The following FAT3 variants were observed in gnomAD, a reference collection of about 807,000 sequenced individuals.
FAT3 encodes FAT atypical cadherin 3.
A neutral mutation model predicts 310.2 loss-of-function variants in FAT3; 95 were observed. That is an observed-to-expected ratio of 0.31 (90% CI 0.26 to 0.36). FAT3 has a LOEUF of 0.36. FAT3 is among the 10% of genes least tolerant of loss of function. The pLI, the probability that FAT3 is intolerant of heterozygous loss-of-function variation, is 1.00. For missense variants in FAT3, 5,408 were observed against 5,715.6 expected (o/e 0.95, Z 1.74); for synonymous variants, 2,314 against 2,192.9 (o/e 1.06, Z -1.54).
At chr11:92,737,654 T>C (rs984444883) in intron 4 of FAT3, among the ~76,000 whole-genome samples, 3 of 152,118 alleles carry the variant, frequency 2.0e-5, no homozygotes, top group Non-Finnish European at 2.9e-5. Context: ...CTTGTTTAAT[T>C]TTTACATAGA....
At chr11:92,588,827 G>A (rs900482425) in intron 3 of FAT3, among the ~76,000 whole-genome samples, 1 of 151,686 alleles carries the variant, frequency 6.6e-6, no homozygotes, top group African/African-American at 2.4e-5. Flanking sequence ...ATGGGAAGGT[G>A]AATTGCAGCC....
intron 3 of FAT3, among the ~76,000 whole-genome samples, chr11:92,665,243 C>T (rs143897750): frequency 8.5e-5 from 13 of 152,304 alleles, no homozygotes; most frequent in African/African-American, 2.9e-4. Context: ...CCCGAGTTAT[C>T]TGACCTCAGT....
At chr11:92,664,196 C>T (rs1942884563) in intron 3 of FAT3, among the ~76,000 whole-genome samples, 1 of 152,154 alleles carries the variant, frequency 6.6e-6, no homozygotes, top group African/African-American at 2.4e-5. Context: ...CTTTGTTGCC[C>T]CTTCAAAGTG....
At chr11:92,461,618 G>C (rs545527153) in intron 2 of FAT3, among the ~76,000 whole-genome samples, 1 of 152,206 alleles carries the variant, frequency 6.6e-6, no homozygotes, top group African/African-American at 2.4e-5. Flanking sequence ...GGTGTCGGGA[G>C]AGACCTCCAA....
At chr11:92,271,721 AAG>A (rs1273046412) in intron 1 of FAT3, among the ~76,000 whole-genome samples, 1 of 152,106 alleles carries the variant, frequency 6.6e-6, no homozygotes, top group African/African-American at 2.4e-5. Flanking sequence ...TTATGTTTTA[AAG>A]AGAGAGGTAA....
chr11:92,583,867 G>GTATTAAATAATTCTCT (rs543241984), intron 3 of FAT3, among the ~76,000 whole-genome samples: 2,903 of 152,118 alleles, frequency 0.019, 42 homozygotes, highest in Non-Finnish European at 0.031. Flanking sequence ...GTTTCACATA[G>GTATTAAATAATTCTCT]CGTATTAAAA....
intron 3 of FAT3, among the ~76,000 whole-genome samples, chr11:92,633,154 T>C (rs1941620413): frequency 6.6e-6 from 1 of 152,238 alleles, no homozygotes; most frequent in Admixed American, 6.5e-5. Context: ...TATTTATGCA[T>C]AAATGGCTTT....
At chr11:92,423,186 C>A (rs552192068) in intron 2 of FAT3, among the ~76,000 whole-genome samples, 4 of 152,104 alleles carry the variant, frequency 2.6e-5, no homozygotes, top group Non-Finnish European at 5.9e-5. Flanking sequence ...CAATAATCAG[C>A]AAAATACACT....
intron 4 of FAT3, among the ~76,000 whole-genome samples, chr11:92,741,922 C>T (rs1439175825): frequency 1.3e-5 from 2 of 152,140 alleles, no homozygotes; most frequent in African/African-American, 4.8e-5. Context: ...AAAGATCCAA[C>T]TCAAAATTAA....
intron 7 of FAT3, among the ~76,000 whole-genome samples, chr11:92,787,616 C>A (rs1339688647): frequency 6.6e-6 from 1 of 150,492 alleles, no homozygotes; most frequent in Non-Finnish European, 1.5e-5. Flanking sequence ...TTTTAAATTG[C>A]AATTATGCTA....
At chr11:92,768,646 G>C (rs147619327) in intron 6 of FAT3, among the ~76,000 whole-genome samples, 3 of 152,088 alleles carry the variant, frequency 2.0e-5, no homozygotes, top group Non-Finnish European at 2.9e-5. Context: ...CCTTACGTAA[G>C]CATCTTTTTT....
intron 2 of FAT3, among the ~76,000 whole-genome samples, chr11:92,413,545 G>A (rs1950342199): frequency 6.6e-6 from 1 of 152,074 alleles, no homozygotes; most frequent in Non-Finnish European, 1.5e-5. Context: ...TGTTTCTGTG[G>A]GAAGGGGATA....
intron 21 of FAT3, among the ~76,000 whole-genome samples, chr11:92,861,993 ACT>A (rs1158656329): frequency 6.6e-6 from 1 of 152,198 alleles, no homozygotes; most frequent in African/African-American, 2.4e-5. Flanking sequence ...AAAGAATATC[ACT>A]GTCTCTCAGC....
chr11:92,574,830 G>T (rs1165640545), intron 3 of FAT3, among the ~76,000 whole-genome samples: 2 of 152,140 alleles, frequency 1.3e-5, no homozygotes, highest in Non-Finnish European at 2.9e-5. Context: ...ATTTTTGGCT[G>T]CATACCTTAT....
At chr11:92,634,945 C>G (rs572239294) in intron 3 of FAT3, among the ~76,000 whole-genome samples, 2 of 152,302 alleles carry the variant, frequency 1.3e-5, no homozygotes, top group South Asian at 4.1e-4. Flanking sequence ...CACCATCCCT[C>G]TTTCCCTCTG....
intron 2 of FAT3, among the ~76,000 whole-genome samples, chr11:92,363,558 G>T (rs1948933978): frequency 6.6e-6 from 1 of 152,184 alleles, no homozygotes; most frequent in Admixed American, 6.5e-5. Flanking sequence ...TGAGGAATAA[G>T]ACAGATGTTA....
At chr11:92,664,154 A>C (rs1421863232) in intron 3 of FAT3, among the ~76,000 whole-genome samples, 1 of 152,000 alleles carries the variant, frequency 6.6e-6, no homozygotes, top group African/African-American at 2.4e-5. Context: ...GCAAACTCCT[A>C]CTCACCCTCA....
intron 1 of FAT3, among the ~76,000 whole-genome samples, chr11:92,232,467 T>A (rs778802841): frequency 2.0e-5 from 3 of 152,138 alleles, no homozygotes; most frequent in African/African-American, 4.8e-5. Context: ...TCAGACACTG[T>A]ATAAGATGGT....
intron 2 of FAT3, among the ~76,000 whole-genome samples, chr11:92,483,320 C>CT (rs796728300): frequency 2.1e-4 from 31 of 149,106 alleles, no homozygotes; most frequent in East Asian, 1.6e-3. Flanking sequence ...TCTGTTATTT[C>CT]TTTTTTTTTT....
Sources: gnomAD v4.1 joint callset for allele counts (sites outside exome capture counted in the v4.1 genomes callset) on GRCh38, gnomAD v4.1.1 for gene constraint, MANE v1.5 for transcripts, NCBI Gene and HGNC (gene_info 2026-07-23, HGNC 2026-07-21) for gene names.